The following ATP7A variants were observed in gnomAD, a reference collection of about 807,000 sequenced individuals.
The protein encoded by ATP7A is ATPase copper transporting alpha.
In ATP7A, 7 loss-of-function variants were observed where a neutral mutation model predicts 83.5. The observed-to-expected ratio is 0.08, with a 90% CI of 0.05 to 0.16. ATP7A has a LOEUF of 0.16. Ranked by LOEUF, ATP7A falls within the 10% of genes least tolerant of loss-of-function variation. The pLI is 1.00. For synonymous variants in ATP7A, 354 were observed against 395.2 expected (o/e 0.90, Z 1.24); for missense variants, 940 against 1,120.8 (o/e 0.84, Z 2.30).
Position 77,965,103 on chromosome X carries a change from C to G in ATP7A, c.-21-6518C>G, listed in dbSNP as rs185683643. Among the ~76,000 whole-genome samples the G allele has an allele frequency of 2.7e-5, 3 of 109,452 alleles. No individual in the cohort carries two copies. In the East Asian group the frequency reaches 8.6e-4, roughly 31 times the overall value. ...CACACACAGGGTGTGATTTCTATACCAAAGATATGCTTATTTCAGTATGAG... is the reference window on the plus strand; with the variant it reads ...CACACACAGGGTGTGATTTCTATACGAAAGATATGCTTATTTCAGTATGAG... On this transcript the variant is annotated intron_variant, in intron 1 of 22. Transcript: ENST00000341514.
intron 2 of ATP7A, among the ~76,000 whole-genome samples, chrX:77,984,107 G>A (rs2077621256): frequency 1.8e-5 from 2 of 111,527 alleles, no homozygotes; most frequent in Admixed American, 1.9e-4. Flanking sequence ...TGTGGGGAAT[G>A]AGGAAGGTGG....
chrX:78,012,970 C>T lies in ATP7A; in HGVS notation c.2264C>T (p.Thr755Ile). 3 of 1,211,304 alleles carry T rather than the reference C, an allele frequency of 2.5e-6. No individual in the cohort carries two copies. Among genetic ancestry groups the T allele is most frequent in the Non-Finnish European group, 3.4e-6 (3 of 895,149 alleles). Residue 755 changes from threonine to isoleucine, a missense_variant, in exon 10 of 23, where the codon ACC becomes ATC. By Grantham distance (89) the Thr-to-Ile change is moderately conservative. This residue lies in a region of ATP7A where 204 missense variants were observed against 185.8 expected (regional missense o/e 1.10). Transcript: ENST00000341514. ...GACGTACTGATTGTGCTGGCAACCA[C>T]CATTGCATTTGCCTACTCTTTGATT... Reference protein sequence around the residue: ...NMDVLIVLATTIAFAYSLIIL... With the variant: ...NMDVLIVLATIIAFAYSLIIL...
Position 78,011,576 on chromosome X carries a change from A to G in ATP7A, c.2074A>G (p.Met692Val). 1 of 1,211,329 alleles carries G rather than the reference A, an allele frequency of 8.3e-7. No homozygotes were observed. The highest frequency in any genetic ancestry group is 1.1e-6 in the Non-Finnish European group (1 of 895,103). The change falls in exon 9 of 23, where the codon ATG becomes GTG. Residue 692 changes from methionine to valine, a missense_variant. Met to Val is a conservative substitution (Grantham distance 21). This residue lies in a region of ATP7A where 204 missense variants were observed against 185.8 expected (regional missense o/e 1.10). Coordinates refer to ENST00000341514, the MANE Select transcript of ATP7A (RefSeq NM_000052.7). Reference protein sequence around the residue: ...HHNQNMSKEEMINLHSSMFLE... With the variant: ...HHNQNMSKEEVINLHSSMFLE... ...TAATCAAAACATGAGTAAAGAAGAA[A>G]TGATCAACCTTCATTCTTCTATGTT...
intron 1 of ATP7A, among the ~76,000 whole-genome samples, chrX:77,956,784 T>TTTCTTTCTTTCTTTCTTTCG (rs1569549170): frequency 2.9e-4 from 30 of 102,150 alleles, no homozygotes; most frequent in African/African-American, 1.0e-3. Flanking sequence ...TCTTTCTTTC[T>TTTCTTTCTTTCTTTCTTTCG]TTCTCTTTCT....
intron 1 of ATP7A, among the ~76,000 whole-genome samples, chrX:77,919,531 C>G (rs1190206247): frequency 8.9e-6 from 1 of 112,502 alleles, no homozygotes; most frequent in Non-Finnish European, 1.9e-5. Flanking sequence ...CACTCTGTCA[C>G]CCAGGATGCA....
chrX:77,959,194 T>C (rs1237594335), intron 1 of ATP7A, among the ~76,000 whole-genome samples: 1 of 111,107 alleles, frequency 9.0e-6, no homozygotes. Flanking sequence ...TTTTTTCAGG[T>C]GGTTTGCTAT....
chrX:78,013,015 A>G lies in ATP7A; in HGVS notation c.2309A>G (p.Tyr770Cys), dbSNP rs782071468. 8.3e-7 allele frequency: 1 copy of G among 1,210,960 alleles called. No individual in the cohort carries two copies. Among genetic ancestry groups the G allele is most frequent in the Admixed American group, 2.2e-5 (1 of 45,955 alleles). The change falls in exon 10 of 23, where the codon TAT becomes TGT. Residue 770 changes from tyrosine (Y) to cysteine (C), a missense_variant. Tyr to Cys is a radical substitution (Grantham distance 194, BLOSUM62 -2). Coordinates refer to ENST00000341514, the MANE Select transcript of ATP7A (RefSeq NM_000052.7). ...YSLIILLVAM[Y>C]ERAKVNPITF... is the part of the protein sequence containing the mutation. Reference sequence around the variant, plus strand: ...TTGATTATTCTTCTAGTTGCAATGTATGAGAGAGCCAAAGTGAACCCTATT... The same window carrying G: ...TTGATTATTCTTCTAGTTGCAATGTGTGAGAGAGCCAAAGTGAACCCTATT...
intron 1 of ATP7A, among the ~76,000 whole-genome samples, chrX:77,926,678 A>G (rs2077243183): frequency 9.1e-6 from 1 of 109,823 alleles, no homozygotes; most frequent in Non-Finnish European, 1.9e-5. Flanking sequence ...ATTTTTTCTT[A>G]CAGCATTTAT....
intron 9 of ATP7A, 52 bp from the exon 10 acceptor site, chrX:78,012,827 T>C (rs1444541155): frequency 3.0e-6 from 3 of 1,013,367 alleles, no homozygotes; most frequent in Admixed American, 2.2e-5. Flanking sequence ...GAGATATATA[T>C]GTGAATTTCA....
At chrX:78,010,570 CTTTTTTTTTTTT>C (rs5902761) in intron 7 of ATP7A, among the ~76,000 whole-genome samples, 1 of 51,589 alleles carries the variant, frequency 1.9e-5, no homozygotes, top group African/African-American at 9.0e-5. Flanking sequence ...ATGGTGCTAG[CTTTTTTTTTTTT>C]TTTTTTTTTT....
In ATP7A at chrX:78,020,304, A is replaced by G. The variant is rs1324162252; in HGVS notation, c.2687A>G (p.Gln896Arg). The G allele has an allele frequency of 9.1e-6, 11 of 1,210,250 alleles. No homozygotes were observed. The highest frequency in any genetic ancestry group is 4.6e-4 in the Middle Eastern group (2 of 4,376). The change falls in exon 13 of 23, where the codon CAG becomes CGG. Residue 896 changes from glutamine (Q) to arginine (R), a missense_variant. By Grantham distance (43) the Gln-to-Arg change is conservative (BLOSUM62 1). This residue lies in a region of ATP7A where 386 missense variants were observed against 502.2 expected (regional missense o/e 0.77). Transcript: ENST00000341514. ...GSTVIAGSIN[Q>R]NGSLLICATH... ...ACAGTGATTGCTGGTTCCATTAACC[A>G]GAACGGGTCACTGCTTATCTGCGCA...
intron 12 of ATP7A, among the ~76,000 whole-genome samples, chrX:78,019,806 T>C (rs1347022812): frequency 9.1e-6 from 1 of 110,407 alleles, no homozygotes; most frequent in African/African-American, 3.3e-5. Context: ...CCAGTTTGGA[T>C]GGGGCAATTC....
chrX:78,041,849 G>T (rs2078050909), intron 19 of ATP7A, among the ~76,000 whole-genome samples: 1 of 110,455 alleles, frequency 9.1e-6, no homozygotes, highest in Admixed American at 9.6e-5. Flanking sequence ...CGGGTTTGTT[G>T]GCTCACGCCT....
At chrX:77,914,781 A>G (rs1007042531) in intron 1 of ATP7A, among the ~76,000 whole-genome samples, 1 of 111,571 alleles carries the variant, frequency 9.0e-6, no homozygotes, top group South Asian at 3.7e-4. Context: ...TACTAAATGT[A>G]TATTTAGATA....
At chrX:77,932,003 C>G (rs1335189172) in intron 1 of ATP7A, among the ~76,000 whole-genome samples, 1 of 108,406 alleles carries the variant, frequency 9.2e-6, no homozygotes, top group Non-Finnish European at 1.9e-5. Context: ...GGGGCTGACC[C>G]CCCCACCTCC....
At position 78,045,519 on chromosome X, in the gene ATP7A, A is replaced by C; in HGVS notation, c.4173A>C (p.Ala1391=). 1 of 1,211,944 alleles carries C rather than the reference A, an allele frequency of 8.3e-7. No homozygotes were observed. The highest frequency in any genetic ancestry group is 1.1e-6 in the Non-Finnish European group (1 of 895,478). ...TTTTGCAGCCCTGGATGGGATCTGC[A>C]GCAATGGCTGCTTCATCTGTTTCTG... ...GLVLQPWMGS[A]AMAASSVSVV... The change falls in exon 22 of 23, where the codon GCA becomes GCC. Residue 1391 remains alanine, a synonymous_variant. Coordinates refer to ENST00000341514, the MANE Select transcript of ATP7A (RefSeq NM_000052.7).
rs782463394 is a variant in ATP7A, at chrX:78,031,550, C to G, written c.3262C>G (p.Leu1088Val). The G allele has an allele frequency of 7.4e-6, 9 of 1,211,199 alleles. No homozygotes were observed. The East Asian group carries it at 2.7e-4, about 36-fold the overall frequency. ...GTAESNSEHP[L>V]GTAITKYCKQ... The stretch of plus-strand genomic sequence containing the variant: ...TGCTGAAAGTAACAGTGAACACCCT[C>G]TAGGAACAGCCATAACCAAATATTG... The change falls in exon 16 of 23, where the codon CTA becomes GTA. Residue 1088 changes from leucine to valine, a missense_variant. Leu to Val is a conservative substitution (Grantham distance 32). Around this residue, in one of 3 missense-constraint regions of ATP7A, gnomAD observed 386 missense variants for 502.2 expected, o/e 0.77. Coordinates refer to ENST00000341514, the MANE Select transcript of ATP7A (RefSeq NM_000052.7).
intron 6 of ATP7A, 38 bp downstream of exon 6, chrX:78,003,274 GA>G (rs782132575): frequency 4.1e-4 from 469 of 1,157,496 alleles, no homozygotes; most frequent in Admixed American, 1.1e-3. Flanking sequence ...AAAACTTCCA[GA>G]AAAAAAACTT....
At chrX:77,997,202 C>A (rs2077709790) in intron 4 of ATP7A, among the ~76,000 whole-genome samples, 2 of 112,124 alleles carry the variant, frequency 1.8e-5, no homozygotes, top group Admixed American at 9.5e-5. Context: ...TTTAAAGTGT[C>A]CTTTGCTATA....
Sources: gnomAD v4.1 joint callset for allele counts (sites outside exome capture counted in the v4.1 genomes callset) on GRCh38, gnomAD v4.1.1 for gene constraint, gnomAD v4.1.1 regional missense constraint, MANE v1.5 for transcripts, NCBI Gene and HGNC (gene_info 2026-07-23, HGNC 2026-07-21) for gene names.